GRIN2A: variants seen among roughly 807,000 people sequenced by gnomAD.
The protein encoded by GRIN2A is glutamate ionotropic receptor NMDA type subunit 2A.
Under a neutral mutation model 113.4 loss-of-function variants are expected in GRIN2A, and 22 were observed. That is an observed-to-expected ratio of 0.19 (90% CI 0.14 to 0.28). GRIN2A has a LOEUF of 0.28. Ranked by LOEUF, GRIN2A falls within the 10% of genes least tolerant of loss-of-function variation. The pLI is 1.00. For synonymous variants in GRIN2A, 827 were observed against 738.4 expected (o/e 1.12, Z -1.94); for missense variants, 1,502 against 1,887.0 (o/e 0.80, Z 3.78).
intron 2 of GRIN2A, among the ~76,000 whole-genome samples, chr16:10,127,426 T>A (rs1344005114): frequency 2.6e-5 from 4 of 152,088 alleles, no homozygotes; most frequent in Non-Finnish European, 5.9e-5. Context: ...CCTACCCCCA[T>A]ACTCCACCCT....
chr16:9,958,387 A>G (rs1596362396), intron 2 of GRIN2A, among the ~76,000 whole-genome samples: 1 of 151,912 alleles, frequency 6.6e-6, no homozygotes, highest in South Asian at 2.1e-4. Flanking sequence ...TGAATTGCCA[A>G]ATTTACTACT....
intron 2 of GRIN2A, among the ~76,000 whole-genome samples, chr16:10,080,060 G>A (rs1335854100): frequency 2.6e-5 from 4 of 152,188 alleles, no homozygotes; most frequent in Non-Finnish European, 4.4e-5. Context: ...ATTGATTCAT[G>A]TAAAGTACTT....
intron 2 of GRIN2A, among the ~76,000 whole-genome samples, chr16:10,025,294 CTTTTTTTTTTTTTTTTTT>C (rs58250644): frequency 2.3e-5 from 2 of 88,054 alleles, no homozygotes; most frequent in South Asian, 1.0e-3. Flanking sequence ...GCAGCAGGGT[CTTTTTTTTTTTTTTTTTT>C]TTTTTTTTGA....
At chr16:9,885,629 G>C (rs1234223240) in intron 4 of GRIN2A, among the ~76,000 whole-genome samples, 1 of 152,200 alleles carries the variant, frequency 6.6e-6, no homozygotes, top group Non-Finnish European at 1.5e-5. Flanking sequence ...GCTGACCTCG[G>C]AGATGAAAAG....
chr16:9,961,449 G>A (rs1299562905), intron 2 of GRIN2A, among the ~76,000 whole-genome samples: 1 of 152,158 alleles, frequency 6.6e-6, no homozygotes, highest in Non-Finnish European at 1.5e-5. Context: ...ACAAAGGCAT[G>A]CTATACAAGC....
intron 10 of GRIN2A, among the ~76,000 whole-genome samples, chr16:9,821,506 A>G (rs545463780): frequency 2.0e-5 from 3 of 152,328 alleles, no homozygotes; most frequent in Non-Finnish European, 4.4e-5. Context: ...ACTTTTCAGA[A>G]GAGTCCATGG....
intron 2 of GRIN2A, among the ~76,000 whole-genome samples, chr16:10,012,305 A>T (rs982736088): frequency 2.0e-5 from 3 of 152,228 alleles, no homozygotes; most frequent in African/African-American, 4.8e-5. Context: ...AAGAACTTAA[A>T]GTTCCTTCTC....
At chr16:10,021,535 G>A (rs1050177323) in intron 2 of GRIN2A, among the ~76,000 whole-genome samples, 16 of 152,032 alleles carry the variant, frequency 1.1e-4, no homozygotes, top group Admixed American at 3.3e-4. Context: ...CTTTGAAAAA[G>A]GAAATAAAAA....
intron 4 of GRIN2A, among the ~76,000 whole-genome samples, chr16:9,874,646 A>G (rs7204266): frequency 0.36 from 54,476 of 152,072 alleles, 11,346 homozygotes; most frequent in African/African-American, 0.58. Flanking sequence ...TTTGCAGTCT[A>G]GCAGACCTGA....
intron 4 of GRIN2A, among the ~76,000 whole-genome samples, chr16:9,890,614 T>C (rs1302731415): frequency 2.0e-5 from 3 of 152,254 alleles, no homozygotes; most frequent in Admixed American, 2.0e-4. Context: ...CATATGGCAA[T>C]GACTATGGTA....
intron 4 of GRIN2A, among the ~76,000 whole-genome samples, chr16:9,856,856 G>A (rs1567350112): frequency 6.6e-6 from 1 of 150,886 alleles, no homozygotes; most frequent in Non-Finnish European, 1.5e-5. Context: ...TTAAGTCTGT[G>A]AAAAAATGCA....
intron 7 of GRIN2A, among the ~76,000 whole-genome samples, chr16:9,834,582 A>G (rs1439009699): frequency 6.6e-6 from 1 of 152,068 alleles, no homozygotes; most frequent in East Asian, 1.9e-4. Context: ...GGGTTTCGCC[A>G]TGTTGCCCAG....
In GRIN2A at chr16:9,938,040, T is replaced by C. The variant is rs748601438; in HGVS notation, c.926A>G (p.Lys309Arg). 3 of 1,614,100 alleles carry C rather than the reference T, an allele frequency of 1.9e-6. No homozygotes were observed. The highest frequency in any genetic ancestry group is 3.3e-5 in the Admixed American group (2 of 60,030). The stretch of plus-strand genomic sequence containing the variant: ...CTTGGCCTCGGGGATGTAGGAGAAC[T>C]TCTCCAGCATAGAAGATGCAGCGGT... ...LTTAASSMLE[K>R]FSYIPEAKAS... Residue 309 changes from lysine (K) to arginine (R), a missense_variant, in exon 3 of 13, where the codon AAG (lysine) becomes AGG (arginine). Physicochemically the swap from Lys to Arg is conservative, Grantham distance 26. Transcript: ENST00000330684.
At chr16:9,984,135 A>T (rs2045939672) in intron 2 of GRIN2A, among the ~76,000 whole-genome samples, 1 of 152,012 alleles carries the variant, frequency 6.6e-6, no homozygotes, top group Admixed American at 6.5e-5. Context: ...CATTTTCCTC[A>T]TGATTAGTGA....
intron 9 of GRIN2A, 115 bp downstream of exon 9, chr16:9,829,308 G>C: frequency 1.4e-6 from 1 of 699,720 alleles, no homozygotes; most frequent in Non-Finnish European, 2.6e-6. Context: ...AAACCTTCTG[G>C]CTTTTGTGCA....
chr16:10,103,080 A>C (rs2048430748), intron 2 of GRIN2A, among the ~76,000 whole-genome samples: 1 of 152,228 alleles, frequency 6.6e-6, no homozygotes, highest in Non-Finnish European at 1.5e-5. Flanking sequence ...ATACTAATAT[A>C]GCAATTCCTT....
chr16:10,012,536 T>A (rs1417059439), intron 2 of GRIN2A, among the ~76,000 whole-genome samples: 2 of 152,204 alleles, frequency 1.3e-5, no homozygotes, highest in Non-Finnish European at 2.9e-5. Context: ...GGTGGCCATG[T>A]GGGACAGGCA....
intron 2 of GRIN2A, among the ~76,000 whole-genome samples, chr16:9,980,437 C>T (rs1313976962): frequency 6.6e-6 from 1 of 152,110 alleles, no homozygotes; most frequent in Non-Finnish European, 1.5e-5. Context: ...GGCAATTCCT[C>T]AGGGATCTAC....
chr16:10,023,232 A>G (rs1379943944), intron 2 of GRIN2A, among the ~76,000 whole-genome samples: 1 of 152,214 alleles, frequency 6.6e-6, no homozygotes, highest in Non-Finnish European at 1.5e-5. Flanking sequence ...TGCATTCCCA[A>G]GCTAGAGAAC....
Sources: gnomAD v4.1 joint callset for allele counts (sites outside exome capture counted in the v4.1 genomes callset) on GRCh38, gnomAD v4.1.1 for gene constraint, MANE v1.5 for transcripts, NCBI Gene and HGNC (gene_info 2026-07-23, HGNC 2026-07-21) for gene names.